Variants in ARB2A observed in about 807,000 individuals in gnomAD.
ARB2A encodes the protein ARB2 cotranscriptional regulator A.
chr5:94,095,764 A>T, the ARB2A span, among the ~76,000 whole-genome samples: 1 of 152,036 alleles, frequency 6.6e-6, no homozygotes, highest in African/African-American at 2.4e-5. Context: ...TAGACACCCA[A>T]CCAGAAGGTT....
At chr5:94,002,674 T>C in the ARB2A span, among the ~76,000 whole-genome samples, 1 of 151,848 alleles carries the variant, frequency 6.6e-6, no homozygotes, top group East Asian at 1.9e-4. Context: ...TCCAAACTTC[T>C]CAAATGCTAG....
At chr5:93,911,044 C>T in the ARB2A span, 13 of 151,626 alleles carry the variant, frequency 8.6e-5, no homozygotes, top group African/African-American at 2.7e-4. Flanking sequence ...CCCCTGAATC[C>T]TCTCATTGTT....
chr5:94,003,692 A>G, the ARB2A span, among the ~76,000 whole-genome samples: 1 of 151,942 alleles, frequency 6.6e-6, no homozygotes, highest in Non-Finnish European at 1.5e-5. Context: ...AATCCTGGTG[A>G]AAAAAAATAA....
At chr5:93,831,211 T>G in the ARB2A span, among the ~76,000 whole-genome samples, 1 of 151,474 alleles carries the variant, frequency 6.6e-6, no homozygotes, top group Admixed American at 6.6e-5. Flanking sequence ...TGACCCGGGG[T>G]TTGGGGAACC....
At chr5:93,749,921 T>A in the ARB2A span, among the ~76,000 whole-genome samples, 1 of 152,128 alleles carries the variant, frequency 6.6e-6, no homozygotes, top group African/African-American at 2.4e-5. Context: ...CAGAAGCCCT[T>A]TATTTCCTCT....
chr5:93,634,817 C>T, the ARB2A span, among the ~76,000 whole-genome samples: 1 of 151,896 alleles, frequency 6.6e-6, no homozygotes, highest in Non-Finnish European at 1.5e-5. Flanking sequence ...CTCTTGTTGC[C>T]CAGGCTGGAG....
chr5:94,087,291 CA>C, the ARB2A span, among the ~76,000 whole-genome samples: 1 of 152,022 alleles, frequency 6.6e-6, no homozygotes, highest in African/African-American at 2.4e-5. Flanking sequence ...TTTGTAATCC[CA>C]CCTACTCGGG....
At chr5:93,683,561 G>A in the ARB2A span, 2 of 1,447,826 alleles carry the variant, frequency 1.4e-6, no homozygotes, top group East Asian at 4.5e-5. Context: ...TTCATCCTTT[G>A]CACCAGCCCT....
At chr5:93,642,961 A>G in the ARB2A span, among the ~76,000 whole-genome samples, 3 of 152,220 alleles carry the variant, frequency 2.0e-5, no homozygotes, top group Non-Finnish European at 2.9e-5. Context: ...ACTAAAAAGC[A>G]TATCAGGAGA....
At chr5:94,065,386 T>C in the ARB2A span, among the ~76,000 whole-genome samples, 1 of 152,148 alleles carries the variant, frequency 6.6e-6, no homozygotes, top group Non-Finnish European at 1.5e-5. Flanking sequence ...TGGTGGCACA[T>C]GCCTGTAGTC....
At chr5:93,920,496 T>C in the ARB2A span, among the ~76,000 whole-genome samples, 12 of 152,096 alleles carry the variant, frequency 7.9e-5, 1 homozygote, top group Admixed American at 7.9e-4. Flanking sequence ...CTTGTGACAA[T>C]TTCAGAAAAC....
the ARB2A span, chr5:93,734,868 C>T: frequency 6.6e-6 from 1 of 151,744 alleles, no homozygotes; most frequent in Non-Finnish European, 1.5e-5. Flanking sequence ...TGCGATTCTA[C>T]TGCCTCAGCC....
the ARB2A span, among the ~76,000 whole-genome samples, chr5:93,832,257 C>T: frequency 2.0e-5 from 3 of 152,038 alleles, no homozygotes; most frequent in African/African-American, 4.8e-5. Context: ...CAGGAGTTAT[C>T]CTGGCTTAAA....
the ARB2A span, among the ~76,000 whole-genome samples, chr5:93,869,009 T>G: frequency 6.6e-6 from 1 of 152,194 alleles, no homozygotes; most frequent in East Asian, 1.9e-4. Context: ...CGCAACCTGG[T>G]GTAGCGGGAA....
At chr5:93,748,908 T>C in the ARB2A span, among the ~76,000 whole-genome samples, 5 of 152,196 alleles carry the variant, frequency 3.3e-5, no homozygotes, top group Non-Finnish European at 7.4e-5. Context: ...TCACTTATGG[T>C]ATGGTTTAAC....
At chr5:93,761,497 C>A in the ARB2A span, among the ~76,000 whole-genome samples, 2 of 152,156 alleles carry the variant, frequency 1.3e-5, no homozygotes, top group Non-Finnish European at 2.9e-5. Flanking sequence ...AAGGCAGAAG[C>A]GAGGCTGGGG....
chr5:93,741,217 GGCGGC>G, the ARB2A span: 1 of 1,613,744 alleles, frequency 6.2e-7, no homozygotes, highest in Admixed American at 1.7e-5. Context: ...GATGTCCTCT[GGCGGC>G]GGCAACTTCG....
chr5:93,906,435 G>T, the ARB2A span, among the ~76,000 whole-genome samples: 3 of 151,238 alleles, frequency 2.0e-5, no homozygotes, highest in Admixed American at 6.6e-5. Flanking sequence ...AATACTCGAG[G>T]TCTGAATTTC....
At chr5:93,929,936 C>A in the ARB2A span, among the ~76,000 whole-genome samples, 1 of 152,152 alleles carries the variant, frequency 6.6e-6, no homozygotes, top group East Asian at 1.9e-4. Flanking sequence ...GCAGTCTCAA[C>A]CTGATCTTCA....
Sources: allele counts gnomAD v4.1 joint callset (sites outside exome capture counted in the v4.1 genomes callset), GRCh38; gene constraint gnomAD v4.1.1; transcripts MANE v1.5; gene names NCBI Gene and HGNC (gene_info 2026-07-23, HGNC 2026-07-21).